CSMD1: variants seen among roughly 807,000 people sequenced by gnomAD.
CSMD1 encodes the protein CUB and sushi domain-containing protein 1.
CSMD1 carries 213 observed loss-of-function variants against 417.5 expected under a neutral mutation model. That is an observed-to-expected ratio of 0.51 (90% confidence interval 0.46 to 0.57). The LOEUF is 0.57. CSMD1 is among the 20% of genes least tolerant of loss of function. The pLI, the probability that CSMD1 is intolerant of heterozygous loss-of-function variation, is 0.00. For missense variants in CSMD1, 6,923 were observed against 4,529.7 expected (o/e 1.53, Z -15.17); for synonymous variants, 2,862 against 1,736.8 (o/e 1.65, Z -16.11).
At chr8:3,919,165 G>A (rs934912314) in intron 5 of CSMD1, among the ~76,000 whole-genome samples, 13 of 116,000 alleles carry the variant, frequency 1.1e-4, no homozygotes, top group African/African-American at 4.4e-4. Context: ...TTGGTTGCCT[G>A]TACTTTTCGT....
chr8:3,539,330 TTCTC>T (rs1798342115), intron 10 of CSMD1, among the ~76,000 whole-genome samples: 1 of 152,182 alleles, frequency 6.6e-6, no homozygotes. Flanking sequence ...TCCCAGCTCT[TTCTC>T]TACTCCTGGT....
intron 2 of CSMD1, among the ~76,000 whole-genome samples, chr8:4,634,663 G>T (rs1411156605): frequency 3.3e-5 from 5 of 152,162 alleles, no homozygotes; most frequent in African/African-American, 9.7e-5. Flanking sequence ...TTGCGTTTGA[G>T]AAATAAACAA....
chr8:4,673,378 T>A (rs7826491), intron 1 of CSMD1, among the ~76,000 whole-genome samples: 110,033 of 152,008 alleles, frequency 0.72, 40,807 homozygotes, highest in African/African-American at 0.88. Flanking sequence ...ATGCTGTCTA[T>A]AGGTGACCTG....
chr8:4,404,703 T>TA (rs1384400519), intron 3 of CSMD1, among the ~76,000 whole-genome samples: 4 of 152,048 alleles, frequency 2.6e-5, no homozygotes, highest in Non-Finnish European at 5.9e-5. Context: ...TATTAATATT[T>TA]AAATTTTACT....
chr8:3,027,335 A>C (rs532299425), intron 51 of CSMD1, among the ~76,000 whole-genome samples: 1 of 152,254 alleles, frequency 6.6e-6, no homozygotes, highest in Admixed American at 6.5e-5. Context: ...GGCTTTTTGG[A>C]GAACAATGTG....
intron 5 of CSMD1, among the ~76,000 whole-genome samples, chr8:3,900,073 G>A (rs1030098881): frequency 5.3e-5 from 8 of 152,120 alleles, no homozygotes; most frequent in African/African-American, 1.9e-4. Flanking sequence ...ACACTAGCTG[G>A]GTGACAGTGC....
rs1473089793 is a variant in CSMD1 at position 3,928,672 on chromosome 8, G to C, written c.818+69231C>G. Among the ~76,000 whole-genome samples the C allele has an allele frequency of 1.4e-5, 2 of 141,130 alleles. 1 individual carries two copies. The highest frequency in any genetic ancestry group is 6.3e-5 in the African/African-American group (2 of 31,760). The allele number at this position is 141,130 out of a possible 152,430, so 92.6% of individuals were successfully genotyped here. ...ATAAAAATGGTTTAAAGAAGGTATA[G>C]ATTTTTTTTTAAATTGCTCCTGCTC... On this transcript the variant is annotated intron_variant, in intron 5 of 69. Transcript: ENST00000635120.
chr8:3,284,738 T>G, intron 25 of CSMD1: 1 of 188,638 alleles, frequency 5.3e-6, no homozygotes, highest in South Asian at 1.1e-4. Context: ...TTCGGTGCAG[T>G]CAGTGTTGTT....
At chr8:4,725,530 G>C (rs541442966) in intron 1 of CSMD1, among the ~76,000 whole-genome samples, 2 of 152,072 alleles carry the variant, frequency 1.3e-5, no homozygotes, top group Admixed American at 6.6e-5. Flanking sequence ...TCCATTTTGC[G>C]AACTCCATTC....
At chr8:3,470,617 A>C (rs1817032363) in intron 11 of CSMD1, among the ~76,000 whole-genome samples, 1 of 152,152 alleles carries the variant, frequency 6.6e-6, no homozygotes, top group Non-Finnish European at 1.5e-5. Context: ...AATGCAGGGC[A>C]GCTCCATTCC....
At chr8:4,524,832 A>G (rs1796435096) in intron 2 of CSMD1, among the ~76,000 whole-genome samples, 1 of 152,068 alleles carries the variant, frequency 6.6e-6, no homozygotes, top group African/African-American at 2.4e-5. Context: ...TTTATTTTCA[A>G]CAATTTATAT....
chr8:4,956,901 G>A (rs13271083), intron 1 of CSMD1, among the ~76,000 whole-genome samples: 46,075 of 151,968 alleles, frequency 0.3, 7,628 homozygotes, highest in Non-Finnish European at 0.38. Context: ...CCAACCAGGC[G>A]CTCTCATTTT....
At chr8:3,125,175 G>A (rs1163082972) in intron 41 of CSMD1, among the ~76,000 whole-genome samples, 2 of 152,232 alleles carry the variant, frequency 1.3e-5, no homozygotes, top group African/African-American at 2.4e-5. Flanking sequence ...AAGTCATGAA[G>A]ATAATTCCTG....
chr8:3,991,709 C>G (rs887826830), intron 5 of CSMD1, among the ~76,000 whole-genome samples: 1 of 152,172 alleles, frequency 6.6e-6, no homozygotes, highest in Non-Finnish European at 1.5e-5. Context: ...TGCCGACACA[C>G]TGCTTCCATC....
intron 8 of CSMD1, among the ~76,000 whole-genome samples, chr8:3,603,439 G>A (rs894360485): frequency 6.6e-6 from 1 of 152,214 alleles, no homozygotes; most frequent in Admixed American, 6.5e-5. Context: ...TTCTTTATAT[G>A]ACAAACCTGG....
At chr8:4,359,477 G>A (rs1003751441) in intron 3 of CSMD1, among the ~76,000 whole-genome samples, 2 of 152,102 alleles carry the variant, frequency 1.3e-5, no homozygotes, top group Non-Finnish European at 2.9e-5. Context: ...AAACAAGATT[G>A]AATCCTTCCT....
Position 4,245,940 on chromosome 8 carries a change from T to C in CSMD1, c.415+174013A>G, listed in dbSNP as rs75715560. 6.2e-3 allele frequency among the ~76,000 whole-genome samples: 947 copies of C among 152,294 alleles called. 5 individuals carry two copies. Among genetic ancestry groups the C allele is most frequent in the Middle Eastern group, 0.024 (7 of 294 alleles). On this transcript the variant is annotated intron_variant, in intron 3 of 69. Coordinates refer to ENST00000635120, the MANE Select transcript of CSMD1 (RefSeq NM_033225.6). ...TTTTCTCAACTCATTAAAATGACTT[T>C]TCCTTCTAAACAATACAATCTATCA... is the stretch of plus-strand genomic sequence containing the variant.
intron 42 of CSMD1, among the ~76,000 whole-genome samples, chr8:3,115,955 C>A (rs1240254884): frequency 6.6e-6 from 1 of 152,114 alleles, no homozygotes; most frequent in Admixed American, 6.5e-5. Context: ...AAATGATAAA[C>A]CACTGTCAAT....
intron 2 of CSMD1, among the ~76,000 whole-genome samples, chr8:4,607,111 G>A (rs566540816): frequency 6.6e-6 from 1 of 152,068 alleles, no homozygotes; most frequent in South Asian, 2.1e-4. Flanking sequence ...TATTTATTGT[G>A]TTTGGAGCAC....
Sources: allele counts gnomAD v4.1 joint callset (sites outside exome capture counted in the v4.1 genomes callset), GRCh38; gene constraint gnomAD v4.1.1; transcripts MANE v1.5; gene names NCBI Gene and HGNC (gene_info 2026-07-23, HGNC 2026-07-21).